Variants in TEX101 observed in about 807,000 individuals in gnomAD.
TEX101 encodes the protein testis-expressed protein 101.
A neutral mutation model predicts 18.1 loss-of-function variants in TEX101; 10 were observed. The observed-to-expected ratio is 0.55, with a 90% CI of 0.34 to 0.94. The LOEUF is 0.94. Among genes scored for constraint, TEX101 ranks in the 40% least tolerant of loss-of-function variants. TEX101 has a pLI of 0.02. For missense variants in TEX101, 259 were observed against 298.9 expected, an observed-to-expected ratio of 0.87 and a Z score of 0.98; for synonymous variants, 94 against 114.8, an observed-to-expected ratio of 0.82 and a Z score of 1.16.
upstream of TEX101, among the ~76,000 whole-genome samples, chr19:43,414,449 A>C (rs1970448876): frequency 6.6e-6 from 1 of 152,122 alleles, no homozygotes; most frequent in South Asian, 2.1e-4. Context: ...AAGACTCAAG[A>C]GGCCAAGCTG....
At chr19:43,415,414 A>G (rs987533772) in intron 1 of TEX101, among the ~76,000 whole-genome samples, 2 of 152,102 alleles carry the variant, frequency 1.3e-5, no homozygotes, top group Admixed American at 6.5e-5. Context: ...GCTCCAGCTC[A>G]CAAGCCGGTT....
intron 1 of TEX101, among the ~76,000 whole-genome samples, chr19:43,402,507 C>T (rs1970326386): frequency 1.3e-5 from 2 of 151,826 alleles, no homozygotes; most frequent in African/African-American, 2.4e-5. Context: ...TGTAAAAAGT[C>T]GGGAATTACA....
At chr19:43,417,837 G>A (rs373356810) in intron 4 of TEX101, 41 bp from the exon 5 acceptor site, 41 of 1,611,716 alleles carry the variant, frequency 2.5e-5, no homozygotes, top group Non-Finnish European at 3.4e-5. Context: ...CATCTCTGGA[G>A]GCAGGACCTG....
chr19:43,418,446 C>G lies in TEX101; in HGVS notation c.*49C>G. Reference sequence around the variant, plus strand: ...TGAGGACATCTTTTTTGACTGGGAGCCTTCTTACTGTTGAGGTTCAACAAG... The same window carrying G: ...TGAGGACATCTTTTTTGACTGGGAGGCTTCTTACTGTTGAGGTTCAACAAG... On this transcript the variant is annotated 3_prime_UTR_variant, in exon 6 of 6. Coordinates refer to ENST00000598265, the MANE Select transcript of TEX101 (RefSeq NM_001130011.3). 1.3e-6 allele frequency: 2 copies of G among 1,516,222 alleles called. No homozygotes were observed. Among genetic ancestry groups the G allele is most frequent in the Non-Finnish European group, 1.8e-6 (2 of 1,106,686 alleles). 93.9% of individuals were successfully genotyped at this position (1,516,222 alleles called of 1,614,324 possible). A position where few individuals can be genotyped will look rare whatever the true frequency, so the allele number is the denominator to read the frequency against.
At chr19:43,395,146 T>C in the TEX101 span, among the ~76,000 whole-genome samples, 35 of 152,284 alleles carry the variant, frequency 2.3e-4, no homozygotes, top group African/African-American at 8.4e-4. Flanking sequence ...GGGAAACTGA[T>C]GGAGATGCAG....
chr19:43,414,761 A>T (rs1329587976), upstream of TEX101: 2 of 860,296 alleles, frequency 2.3e-6, no homozygotes, highest in African/African-American at 1.8e-5. Flanking sequence ...ATTGCCAGGA[A>T]TTGACTTCTC....
At chr19:43,391,406 C>CTTTTTTTTTTTT in the TEX101 span, among the ~76,000 whole-genome samples, 88 of 95,848 alleles carry the variant, frequency 9.2e-4, no homozygotes, top group East Asian at 1.3e-3. Flanking sequence ...TTCTGTTTTT[C>CTTTTTTTTTTTT]TTTTTTTTTT....
chr19:43,417,116 C>T (rs1970488572), intron 4 of TEX101, among the ~76,000 whole-genome samples: 1 of 151,830 alleles, frequency 6.6e-6, no homozygotes, highest in Admixed American at 6.6e-5. Flanking sequence ...ATTGGTTTCC[C>T]ACTGCTGCAC....
the TEX101 span, among the ~76,000 whole-genome samples, chr19:43,389,432 G>A: frequency 6.6e-6 from 1 of 152,194 alleles, no homozygotes; most frequent in Non-Finnish European, 1.5e-5. Flanking sequence ...AGAAGCTTCT[G>A]GACTCCAGGG....
At chr19:43,413,410 G>A (rs985171000), upstream of TEX101, among the ~76,000 whole-genome samples, 1 of 151,706 alleles carries the variant, frequency 6.6e-6, no homozygotes, top group African/African-American at 2.4e-5. Flanking sequence ...GCGGAGGCAG[G>A]AGAATGGCAT....
intron 2 of TEX101, among the ~76,000 whole-genome samples, chr19:43,404,330 C>T (rs796251429): frequency 3.1e-4 from 47 of 152,236 alleles, no homozygotes; most frequent in African/African-American, 1.1e-3. Flanking sequence ...CCAAGAAGGA[C>T]TGGAAGCCTT....
the TEX101 span, among the ~76,000 whole-genome samples, chr19:43,394,260 C>T: frequency 6.6e-6 from 1 of 151,936 alleles, no homozygotes; most frequent in African/African-American, 2.4e-5. Flanking sequence ...TGACAGAAAT[C>T]CCAGCAAGAT....
chr19:43,403,285 G>A (rs1392976711), intron 2 of TEX101, among the ~76,000 whole-genome samples: 1 of 152,168 alleles, frequency 6.6e-6, no homozygotes, highest in African/African-American at 2.4e-5. Flanking sequence ...AGTCATTCAG[G>A]CTTAAAGGTT....
chr19:43,393,074 GGGAA>G, the TEX101 span, among the ~76,000 whole-genome samples: 778 of 129,498 alleles, frequency 6.0e-3, 12 homozygotes, highest in African/African-American at 0.02. Context: ...AAAGAAAGAA[GGGAA>G]GGAAGGAAGG....
chr19:43,414,839 C>T (rs1404304680), upstream of TEX101: 2 of 985,268 alleles, frequency 2.0e-6, no homozygotes, highest in African/African-American at 3.5e-5. Flanking sequence ...TTTGCATCCA[C>T]CAATGGGGTT....
At chr19:43,398,521 A>G (rs914485107), upstream of TEX101, among the ~76,000 whole-genome samples, 2 of 152,016 alleles carry the variant, frequency 1.3e-5, no homozygotes, top group African/African-American at 4.8e-5. Flanking sequence ...TGATCTACCT[A>G]AATGCTGGGA....
At position 43,415,997 on chromosome 19, in the gene TEX101, A is replaced by C. The variant is rs775820493; in HGVS notation, c.64+14A>C. 6.2e-7 allele frequency: 1 copy of C among 1,613,576 alleles called. No individual in the cohort carries two copies. The highest frequency in any genetic ancestry group is 1.7e-5 in the Admixed American group (1 of 59,920). On this transcript the variant is annotated intron_variant, in intron 2 of 5. Transcript: ENST00000598265. ...CCCTCCTGACCTGTGCGTATGGGGG[A>C]CATAGGGGAGAGCCGTGTGTCACAG... is the stretch of plus-strand genomic sequence containing the variant.
intron 3 of TEX101, among the ~76,000 whole-genome samples, chr19:43,408,482 C>T (rs935331773): frequency 6.6e-6 from 1 of 152,092 alleles, no homozygotes; most frequent in Non-Finnish European, 1.5e-5. Flanking sequence ...CGCCCTTGCA[C>T]GCCTCCTCCT....
chr19:43,390,869 C>G, the TEX101 span, among the ~76,000 whole-genome samples: 119 of 151,064 alleles, frequency 7.9e-4, 2 homozygotes, highest in African/African-American at 2.8e-3. Flanking sequence ...TCATATTCCC[C>G]AACTGGAATT....
Sources: gnomAD v4.1 joint callset for allele counts (sites outside exome capture counted in the v4.1 genomes callset) on GRCh38, gnomAD v4.1.1 for gene constraint, MANE v1.5 for transcripts, NCBI Gene and HGNC (gene_info 2026-07-23, HGNC 2026-07-21) for gene names.